SNX29: variants seen among roughly 807,000 people sequenced by gnomAD.
SNX29 encodes sorting nexin 29.
In SNX29, 78 loss-of-function variants were observed where a neutral mutation model predicts 102.1. The observed-to-expected ratio is 0.76, with a 90% CI of 0.64 to 0.92. SNX29 has a LOEUF of 0.92. Ranked by LOEUF, SNX29 falls within the 40% of genes least tolerant of loss-of-function variation. The probability of loss-of-function intolerance (pLI) is 0.00; values close to 1 mark genes in which losing one functional copy is unlikely to be tolerated. For synonymous variants in SNX29, 580 were observed against 414.5 expected (o/e 1.40, Z -4.85); for missense variants, 1,280 against 1,061.7 (o/e 1.21, Z -2.86).
intron 15 of SNX29, among the ~76,000 whole-genome samples, chr16:12,352,109 A>G (rs901899651): frequency 1.3e-5 from 2 of 152,174 alleles, no homozygotes; most frequent in African/African-American, 4.8e-5. Context: ...TAGACTTGGA[A>G]CCCACCCAAA....
chr16:12,072,636 G>A (rs1370840517), intron 10 of SNX29, among the ~76,000 whole-genome samples: 1 of 151,918 alleles, frequency 6.6e-6, no homozygotes, highest in African/African-American at 2.4e-5. Context: ...TCTCTTTTTT[G>A]GTTGTGTCTC....
chr16:12,286,726 C>T (rs1369371001), intron 15 of SNX29, among the ~76,000 whole-genome samples: 1 of 152,082 alleles, frequency 6.6e-6, no homozygotes, highest in Non-Finnish European at 1.5e-5. Flanking sequence ...TCTATGTACC[C>T]ATCACCTGGC....
rs1335906218 is a variant in SNX29 at position 12,569,661 on chromosome 16, G to A, written c.*1032G>A. The A allele has an allele frequency of 8.7e-6, 2 of 229,576 alleles. No individual in the cohort carries two copies. The allele number at this position is 229,576 out of a possible 1,614,324, so 14.2% of individuals were successfully genotyped here. On this transcript the variant is annotated 3_prime_UTR_variant, in exon 21 of 21. Coordinates refer to ENST00000566228, the MANE Select transcript of SNX29 (RefSeq NM_032167.5). ...AGACAGAGTCCTCTGTTCCTCCCAT[G>A]TCAGGTGGCTCTCAGAGTACAGGGA...
chr16:12,149,382 C>G (rs1348475219), intron 13 of SNX29, among the ~76,000 whole-genome samples: 1 of 152,142 alleles, frequency 6.6e-6, no homozygotes, highest in East Asian at 1.9e-4. Context: ...TTTAGTGGAG[C>G]ACATTGTCAC....
At chr16:12,471,633 A>G (rs957922694) in intron 18 of SNX29, among the ~76,000 whole-genome samples, 4 of 152,204 alleles carry the variant, frequency 2.6e-5, no homozygotes, top group African/African-American at 9.6e-5. Flanking sequence ...TGGCTTAGAC[A>G]TCCCTGCCCC....
intron 20 of SNX29, among the ~76,000 whole-genome samples, chr16:12,539,214 T>C (rs914805407): frequency 6.6e-6 from 1 of 152,194 alleles, no homozygotes; most frequent in Non-Finnish European, 1.5e-5. Context: ...ACCATCACCG[T>C]CAAGATATAG....
chr16:12,178,687 G>C (rs892308220), intron 13 of SNX29, among the ~76,000 whole-genome samples: 4 of 152,188 alleles, frequency 2.6e-5, no homozygotes, highest in African/African-American at 9.7e-5. Context: ...TCGTGCATAC[G>C]CAATGCTCTT....
chr16:12,311,564 A>C (rs1220265187), intron 15 of SNX29, among the ~76,000 whole-genome samples: 2 of 152,226 alleles, frequency 1.3e-5, no homozygotes, highest in African/African-American at 4.8e-5. Flanking sequence ...GCTCTTCCCA[A>C]GGCCGATGGC....
chr16:12,546,615 G>A (rs2077621608), intron 20 of SNX29: 2 of 152,172 alleles, frequency 1.3e-5, no homozygotes, highest in African/African-American at 2.4e-5. Context: ...GAACATAAAT[G>A]CCAGATTGAT....
Position 12,568,651 on chromosome 16 carries a change from G to C in SNX29, c.*22G>C, listed in dbSNP as rs376169140. On this transcript the variant is annotated 3_prime_UTR_variant, in exon 21 of 21. Transcript: ENST00000566228. ...CTGACCTCGACAAAACCGCAGCCAC[G>C]GGCCCTGTGCGTGGCACCAGCTGCG... 56 of 1,599,184 alleles carry C rather than the reference G, an allele frequency of 3.5e-5. No individual in the cohort carries two copies. Among genetic ancestry groups the C allele is most frequent in the Non-Finnish European group, 4.6e-5 (54 of 1,179,278 alleles).
At chr16:12,197,229 G>GTAGGC (rs1216177977) in intron 13 of SNX29, among the ~76,000 whole-genome samples, 1 of 152,174 alleles carries the variant, frequency 6.6e-6, no homozygotes, top group East Asian at 1.9e-4. Context: ...AAGATTGGGA[G>GTAGGC]TAGGCTGGGC....
At chr16:12,187,049 G>A (rs709420) in intron 13 of SNX29, among the ~76,000 whole-genome samples, 99,619 of 152,144 alleles carry the variant, frequency 0.65, 34,122 homozygotes, top group Non-Finnish European at 0.75. Flanking sequence ...GATGGGTCCC[G>A]GAGGAATCCG....
chr16:12,403,255 T>TGTGG (rs200446987), intron 17 of SNX29, among the ~76,000 whole-genome samples, 193 bp from the exon 18 acceptor site: 613 of 100,948 alleles, frequency 6.1e-3, no homozygotes, highest in Middle Eastern at 0.015. Flanking sequence ...TGTGTGTGTG[T>TGTGG]AGAGAGAGAC....
chr16:12,563,169 G>C (rs1427225586), intron 20 of SNX29, among the ~76,000 whole-genome samples: 3 of 149,108 alleles, frequency 2.0e-5, no homozygotes, highest in Non-Finnish European at 3.0e-5. Context: ...GCAACTCTGG[G>C]CTCAGGGATG....
intron 19 of SNX29, among the ~76,000 whole-genome samples, chr16:12,519,002 C>T (rs1467961601): frequency 1.3e-5 from 2 of 152,170 alleles, no homozygotes; most frequent in Non-Finnish European, 2.9e-5. Context: ...CTTGCAAATG[C>T]ACTGGCCCAC....
chr16:12,134,064 G>T (rs533867025), intron 13 of SNX29, among the ~76,000 whole-genome samples: 2 of 152,278 alleles, frequency 1.3e-5, no homozygotes, highest in African/African-American at 4.8e-5. Flanking sequence ...TGCAATTAAG[G>T]CTCTGTAAGT....
chr16:12,018,490 G>C (rs1211670851), intron 3 of SNX29, among the ~76,000 whole-genome samples: 1 of 151,364 alleles, frequency 6.6e-6, no homozygotes, highest in East Asian at 1.9e-4. Context: ...GGCTGAAGCA[G>C]GAGAATCACT....
intron 16 of SNX29, among the ~76,000 whole-genome samples, chr16:12,395,916 A>G (rs554022117): frequency 1.3e-5 from 2 of 152,340 alleles, no homozygotes; most frequent in African/African-American, 4.8e-5. Flanking sequence ...CTCGGCCTTT[A>G]ATTATCATCA....
chr16:12,378,486 TA>T (rs1257692317), intron 16 of SNX29, among the ~76,000 whole-genome samples: 1 of 152,136 alleles, frequency 6.6e-6, no homozygotes, highest in Non-Finnish European at 1.5e-5. Flanking sequence ...TTGTTTCTAC[TA>T]AAAATACAAA....
Sources: gnomAD v4.1 joint callset for allele counts (sites outside exome capture counted in the v4.1 genomes callset) on GRCh38, gnomAD v4.1.1 for gene constraint, MANE v1.5 for transcripts, NCBI Gene and HGNC (gene_info 2026-07-23, HGNC 2026-07-21) for gene names.